B3GALNT2: variants seen among roughly 807,000 people sequenced by gnomAD.
B3GALNT2 encodes the protein UDP-GalNAc:beta-1,3-N-acetylgalactosaminyltransferase 2.
B3GALNT2 carries 53 observed loss-of-function variants against 61.1 expected under a neutral mutation model. The ratio of observed to expected loss-of-function variants is 0.87; its 90% CI spans 0.70 to 1.09. The LOEUF (loss-of-function observed/expected upper bound fraction) is 1.09. Ranked by LOEUF, B3GALNT2 falls within the 50% of genes least tolerant of loss-of-function variation. The probability of loss-of-function intolerance (pLI) is 0.00; values close to 1 mark genes in which losing one functional copy is unlikely to be tolerated. For missense variants in B3GALNT2, 544 were observed against 623.0 expected (o/e 0.87, Z 1.35); for synonymous variants, 223 against 237.4 (o/e 0.94, Z 0.56).
chr1:235,455,441 G>C, intron 9 of B3GALNT2, 118 bp downstream of exon 9: 1 of 1,080,922 alleles, frequency 9.3e-7, no homozygotes, highest in South Asian at 1.6e-5. Context: ...AAACCCAGGA[G>C]TCTAGTACGA....
At chr1:235,454,802 G>T (rs1683089834) in intron 9 of B3GALNT2, among the ~76,000 whole-genome samples, 1 of 152,178 alleles carries the variant, frequency 6.6e-6, no homozygotes, top group African/African-American at 2.4e-5. Context: ...TTAGATAAAA[G>T]ATTGGTTATG....
intron 5 of B3GALNT2, among the ~76,000 whole-genome samples, chr1:235,477,054 T>C (rs553053466): frequency 6.6e-6 from 1 of 151,352 alleles, no homozygotes; most frequent in African/African-American, 2.4e-5. Context: ...AAATAAAAAT[T>C]AGGGGAAAAA....
intron 4 of B3GALNT2, among the ~76,000 whole-genome samples, chr1:235,482,057 A>G (rs1414132925): frequency 2.0e-5 from 3 of 152,354 alleles, no homozygotes; most frequent in East Asian, 3.9e-4. Context: ...ATACAAACAC[A>G]TTTTAAAAAA....
At chr1:235,451,585 C>T (rs547816069) in intron 11 of B3GALNT2, 1 of 151,768 alleles carries the variant, frequency 6.6e-6, no homozygotes, top group Admixed American at 6.6e-5. Flanking sequence ...CCCAGAATTA[C>T]CAGATACAAA....
chr1:235,448,761 G>C lies in B3GALNT2; in HGVS notation c.*1445C>G. 6.2e-7 allele frequency: 1 copy of C among 1,605,508 alleles called. No homozygotes were observed. Among genetic ancestry groups the C allele is most frequent in the East Asian group, 2.2e-5 (1 of 44,840 alleles). ...GGAGATTGTCTATTAGTGCGATGGT[G>C]ACAACCAACTAATAAAATTTAAAGA... is the stretch of plus-strand genomic sequence containing the variant. On this transcript the variant is annotated 3_prime_UTR_variant, in exon 12 of 12. Transcript: ENST00000366600.
Position 235,449,093 on chromosome 1 carries a change from CA to C in B3GALNT2, c.*1112del. The C allele has an allele frequency of 3.3e-6, 1 of 303,080 alleles. No homozygotes were observed. Among genetic ancestry groups the C allele is most frequent in the Non-Finnish European group, 6.4e-6 (1 of 156,986 alleles). 18.8% of individuals were successfully genotyped at this position (303,080 alleles called of 1,614,324 possible). On this transcript the variant is annotated 3_prime_UTR_variant, in exon 12 of 12. Coordinates refer to ENST00000366600, the MANE Select transcript of B3GALNT2 (RefSeq NM_152490.5). ...AAATCTGAACACAGTTAATATCTGTCATAAGACTAGTTTTAATGGAATTCTC... is the reference window on the plus strand; with the variant it reads ...AAATCTGAACACAGTTAATATCTGTCTAAGACTAGTTTTAATGGAATTCTC...
At chr1:235,490,731 A>C (rs952582895) in intron 2 of B3GALNT2, among the ~76,000 whole-genome samples, 5 of 151,606 alleles carry the variant, frequency 3.3e-5, no homozygotes, top group African/African-American at 4.8e-5. Flanking sequence ...TAATCTTATA[A>C]TATATATTAA....
intron 1 of B3GALNT2, among the ~76,000 whole-genome samples, chr1:235,495,216 G>C (rs964536166): frequency 6.6e-6 from 1 of 152,092 alleles, no homozygotes; most frequent in Non-Finnish European, 1.5e-5. Context: ...TTAGCTTCTT[G>C]AGCCTCAGTT....
downstream of B3GALNT2, among the ~76,000 whole-genome samples, chr1:235,443,167 CACACACACACACACACACATATATATAT>C (rs1682013519): frequency 6.9e-6 from 1 of 143,938 alleles, no homozygotes; most frequent in Non-Finnish European, 1.5e-5. Flanking sequence ...CATATAATTA[CACACACACACACACACACATATATATAT>C]ACACACACAC....
chr1:235,442,289 G>A (rs1472421947), downstream of B3GALNT2, among the ~76,000 whole-genome samples: 1 of 152,156 alleles, frequency 6.6e-6, no homozygotes, highest in Non-Finnish European at 1.5e-5. Context: ...TCGTGCCTTA[G>A]CCTCCCGAGT....
In B3GALNT2 at chr1:235,447,951, T is replaced by C. The variant is rs530282601; in HGVS notation, c.*2255A>G. Reference sequence around the variant, plus strand: ...ATACAGCCAGGCGCTGGGCTCATGCTTGTAATCCCAGCACTTTGGGGGGCC... The same window carrying C: ...ATACAGCCAGGCGCTGGGCTCATGCCTGTAATCCCAGCACTTTGGGGGGCC... On this transcript the variant is annotated 3_prime_UTR_variant, in exon 12 of 12. Transcript: ENST00000366600. Among the ~76,000 whole-genome samples the C allele has an allele frequency of 3.5e-4, 53 of 151,998 alleles. 1 individual carries two copies. In the South Asian group the frequency reaches 3.7e-3, roughly 11 times the overall value.
chr1:235,494,600 GCACACACCAC>G, intron 2 of B3GALNT2, 71 bp downstream of exon 2: 4 of 1,442,344 alleles, frequency 2.8e-6, no homozygotes, highest in Admixed American at 1.9e-5. Flanking sequence ...GGGACGACGG[GCACACACCAC>G]CACGCCTGGC....
At chr1:235,457,568 A>G (rs1319380026) in intron 8 of B3GALNT2, among the ~76,000 whole-genome samples, 1 of 152,192 alleles carries the variant, frequency 6.6e-6, no homozygotes, top group Non-Finnish European at 1.5e-5. Context: ...GTAGGAATTA[A>G]AAGTAAGTTC....
At chr1:235,502,895 TAA>T (rs1685646005) in intron 1 of B3GALNT2, among the ~76,000 whole-genome samples, 2 of 152,160 alleles carry the variant, frequency 1.3e-5, no homozygotes, top group African/African-American at 4.8e-5. Context: ...CACAAAAACC[TAA>T]AAAACACTGA....
In B3GALNT2 at chr1:235,504,304, G is replaced by T; in HGVS notation, c.-52C>A. The T allele has an allele frequency of 6.8e-7, 1 of 1,469,344 alleles. No homozygotes were observed. Among genetic ancestry groups the T allele is most frequent in the South Asian group, 1.3e-5 (1 of 78,698 alleles). The allele number at this position is 1,469,344 out of a possible 1,614,324, so 91.0% of individuals were successfully genotyped here. A position where few individuals can be genotyped will look rare whatever the true frequency, so the allele number is the denominator to read the frequency against. On this transcript the variant is annotated 5_prime_UTR_variant, in exon 1 of 12. Coordinates refer to ENST00000366600, the MANE Select transcript of B3GALNT2 (RefSeq NM_152490.5). ...CTCCCGCGTCCCGGCGGAGAGGGAG[G>T]GGACCTGCAAGTGCGGAGACTGAGG...
At chr1:235,446,258 C>T (rs1188585664), downstream of B3GALNT2, among the ~76,000 whole-genome samples, 3 of 152,032 alleles carry the variant, frequency 2.0e-5, no homozygotes, top group African/African-American at 7.3e-5. Flanking sequence ...TCACTGCAAA[C>T]TCTGCCTTCC....
At chr1:235,469,763 T>C (rs904151402) in intron 6 of B3GALNT2, among the ~76,000 whole-genome samples, 5 of 151,764 alleles carry the variant, frequency 3.3e-5, no homozygotes, top group African/African-American at 1.2e-4. Flanking sequence ...GGTTTCACCA[T>C]GTTGGCCAGG....
At position 235,504,368 on chromosome 1, in the gene B3GALNT2, C is replaced by T. The variant is rs1174465591; in HGVS notation, c.-116G>A. 8.2e-7 allele frequency: 1 copy of T among 1,226,188 alleles called. No homozygotes were observed. The highest frequency in any genetic ancestry group is 1.1e-6 in the Non-Finnish European group (1 of 930,236). The allele number at this position is 1,226,188 out of a possible 1,614,324, so 76.0% of individuals were successfully genotyped here. The stretch of plus-strand genomic sequence containing the variant: ...GAGCGACCACTCCGAGCACGCCCGC[C>T]CTCGCGCTCGGCGACGTCTGGGGGG... On this transcript the variant is annotated 5_prime_UTR_variant, in exon 1 of 12. Coordinates refer to ENST00000366600, the MANE Select transcript of B3GALNT2 (RefSeq NM_152490.5).
intron 1 of B3GALNT2, among the ~76,000 whole-genome samples, chr1:235,501,020 C>T (rs1024971419): frequency 1.3e-5 from 2 of 152,232 alleles, no homozygotes; most frequent in South Asian, 4.1e-4. Context: ...AGGCATCCAG[C>T]ACAGAATCTA....
Sources: allele counts gnomAD v4.1 joint callset (sites outside exome capture counted in the v4.1 genomes callset), GRCh38; gene constraint gnomAD v4.1.1; transcripts MANE v1.5; gene names NCBI Gene and HGNC (gene_info 2026-07-23, HGNC 2026-07-21).